The following JAKMIP2 variants were observed in gnomAD, a reference collection of about 807,000 sequenced individuals.
The protein encoded by JAKMIP2 is janus kinase and microtubule-interacting protein 2.
In JAKMIP2, 25 loss-of-function variants were observed where a neutral mutation model predicts 115.0. The ratio of observed to expected loss-of-function variants is 0.22; its 90% CI spans 0.16 to 0.30. The LOEUF (loss-of-function observed/expected upper bound fraction) is 0.30, where lower values mean the gene tolerates loss of function less well. JAKMIP2 is among the 10% of genes least tolerant of loss of function. The pLI is 1.00. For synonymous variants in JAKMIP2, 334 were observed against 343.6 expected (o/e 0.97, Z 0.31); for missense variants, 642 against 957.6 (o/e 0.67, Z 4.35).
At chr5:147,740,285 G>C (rs1754094491) in intron 1 of JAKMIP2, among the ~76,000 whole-genome samples, 2 of 152,198 alleles carry the variant, frequency 1.3e-5, no homozygotes, top group South Asian at 4.1e-4. Flanking sequence ...CAGAATGCAA[G>C]ACATACACTA....
chr5:147,621,248 A>G (rs1173180806), intron 17 of JAKMIP2, among the ~76,000 whole-genome samples: 1 of 152,226 alleles, frequency 6.6e-6, no homozygotes, highest in Non-Finnish European at 1.5e-5. Context: ...TGCTTTTGCC[A>G]CAAAGCCAGT....
At chr5:147,735,875 A>T (rs1161674435) in intron 1 of JAKMIP2, among the ~76,000 whole-genome samples, 1 of 152,194 alleles carries the variant, frequency 6.6e-6, no homozygotes, top group East Asian at 1.9e-4. Context: ...AGCACAGTGG[A>T]CTAGAATGAA....
intron 1 of JAKMIP2, among the ~76,000 whole-genome samples, chr5:147,708,293 T>C (rs1752655411): frequency 6.6e-6 from 1 of 152,180 alleles, no homozygotes; most frequent in African/African-American, 2.4e-5. Flanking sequence ...CTCTCAAAAC[T>C]TGAAGATAAC....
chr5:147,658,377 C>T (rs555929929), intron 3 of JAKMIP2, among the ~76,000 whole-genome samples: 2 of 152,306 alleles, frequency 1.3e-5, no homozygotes, highest in Admixed American at 1.3e-4. Context: ...CTGCTCTTTC[C>T]TCTGGAAGCT....
rs531664455 is a variant in JAKMIP2, at chr5:147,590,409, C to T, written c.*1298G>A. On this transcript the variant is annotated 3_prime_UTR_variant, in exon 22 of 22. Transcript: ENST00000616793. ...TACACAACTTAGGAAAAGTACCAGT[C>T]CTCTAATTGTCTCTGGTAGAAAATG... is the stretch of plus-strand genomic sequence containing the variant. 4 of 152,194 alleles carry T rather than the reference C, an allele frequency of 2.6e-5. No individual in the cohort carries two copies. The South Asian group carries it at 6.2e-4, about 24-fold the overall frequency. The allele number at this position is 152,194 out of a possible 1,614,324, so 9.4% of individuals were successfully genotyped here. A position where few individuals can be genotyped will look rare whatever the true frequency, so the allele number is the denominator to read the frequency against.
chr5:147,770,553 C>A (rs78657335), intron 1 of JAKMIP2, among the ~76,000 whole-genome samples: 1 of 152,000 alleles, frequency 6.6e-6, no homozygotes, highest in African/African-American at 2.4e-5. Context: ...CCTCGAGTTG[C>A]GTGAATTTAC....
chr5:147,690,712 T>C (rs1161410225), intron 1 of JAKMIP2, among the ~76,000 whole-genome samples: 1 of 151,948 alleles, frequency 6.6e-6, no homozygotes, highest in Non-Finnish European at 1.5e-5. Flanking sequence ...ATGCCTCACA[T>C]GGTTCATTGC....
At chr5:147,702,412 C>G (rs78400658) in intron 1 of JAKMIP2, among the ~76,000 whole-genome samples, 1 of 126,278 alleles carries the variant, frequency 7.9e-6, no homozygotes, top group Non-Finnish European at 1.6e-5. Context: ...ACTTATGTAC[C>G]AAGAAAGAAA....
chr5:147,595,588 T>C (rs927807409), intron 21 of JAKMIP2: 4 of 453,426 alleles, frequency 8.8e-6, no homozygotes, highest in Non-Finnish European at 1.8e-5. Context: ...TCTCAGGTAT[T>C]TTGTTATAAT....
At chr5:147,605,191 T>C (rs1755935525) in intron 20 of JAKMIP2, among the ~76,000 whole-genome samples, 1 of 147,834 alleles carries the variant, frequency 6.8e-6, no homozygotes, top group South Asian at 2.1e-4. Context: ...TTCCATGGTG[T>C]ATATGTGCCA....
chr5:147,744,182 AG>A (rs1754267860), intron 1 of JAKMIP2, among the ~76,000 whole-genome samples: 1 of 152,132 alleles, frequency 6.6e-6, no homozygotes, highest in Non-Finnish European at 1.5e-5. Context: ...GGGCAGCTAG[AG>A]ATATTGAGGA....
chr5:147,686,589 A>G (rs551660345), intron 1 of JAKMIP2, among the ~76,000 whole-genome samples: 11 of 152,206 alleles, frequency 7.2e-5, no homozygotes, highest in Admixed American at 3.3e-4. Context: ...ATGTTTGCTG[A>G]AGGGGTACCT....
intron 1 of JAKMIP2, among the ~76,000 whole-genome samples, chr5:147,700,290 T>C (rs1752272194): frequency 6.6e-6 from 1 of 151,878 alleles, no homozygotes; most frequent in African/African-American, 2.4e-5. Flanking sequence ...TAAAAATAAA[T>C]CAAACCTTTA....
intron 1 of JAKMIP2, among the ~76,000 whole-genome samples, chr5:147,732,798 T>G (rs1753784247): frequency 6.6e-6 from 1 of 152,238 alleles, no homozygotes. Context: ...TCACACGATT[T>G]AAACCCAGGT....
At chr5:147,600,162 A>C (rs866537981) in intron 21 of JAKMIP2, among the ~76,000 whole-genome samples, 3 of 114,884 alleles carry the variant, frequency 2.6e-5, no homozygotes, top group Middle Eastern at 8.2e-3. Flanking sequence ...TTGATCCTTT[A>C]CTAGTGAATC....
At chr5:147,707,327 A>T (rs1239049655) in intron 1 of JAKMIP2, among the ~76,000 whole-genome samples, 1 of 152,162 alleles carries the variant, frequency 6.6e-6, no homozygotes, top group Non-Finnish European at 1.5e-5. Context: ...AAATTAACTC[A>T]TTTCTTTTCC....
intron 1 of JAKMIP2, among the ~76,000 whole-genome samples, chr5:147,717,394 T>C (rs1197743795): frequency 2.1e-5 from 3 of 146,166 alleles, no homozygotes; most frequent in Admixed American, 6.9e-5. Context: ...AAGGCATTGG[T>C]AGCTTGATGG....
intron 18 of JAKMIP2, among the ~76,000 whole-genome samples, chr5:147,619,012 TG>T (rs1756722998): frequency 6.6e-6 from 1 of 152,234 alleles, no homozygotes; most frequent in Admixed American, 6.5e-5. Flanking sequence ...CTGAGATTTA[TG>T]GCTGCTCTCA....
intron 1 of JAKMIP2, among the ~76,000 whole-genome samples, chr5:147,721,441 C>A (rs547025919): frequency 1.3e-5 from 2 of 152,228 alleles, no homozygotes; most frequent in South Asian, 4.1e-4. Flanking sequence ...GGCGCCCCTC[C>A]CCCAGCCTCG....
Sources: gnomAD v4.1 joint callset for allele counts (sites outside exome capture counted in the v4.1 genomes callset) on GRCh38, gnomAD v4.1.1 for gene constraint, MANE v1.5 for transcripts, NCBI Gene and HGNC (gene_info 2026-07-23, HGNC 2026-07-21) for gene names.